SLC6A12: variants seen among roughly 807,000 people sequenced by gnomAD.
SLC6A12 encodes sodium- and chloride-dependent betaine transporter.
A neutral mutation model predicts 73.3 loss-of-function variants in SLC6A12; 50 were observed. That is an observed-to-expected ratio of 0.68 (90% CI 0.54 to 0.86). The LOEUF (loss-of-function observed/expected upper bound fraction) is 0.86, where lower values mean the gene tolerates loss of function less well. Ranked by LOEUF, SLC6A12 falls within the 40% of genes least tolerant of loss-of-function variation. SLC6A12 has a pLI of 0.00. For missense variants in SLC6A12, 648 were observed against 772.8 expected, an observed-to-expected ratio of 0.84 and a Z score of 1.92; for synonymous variants, 304 against 309.2, an observed-to-expected ratio of 0.98 and a Z score of 0.18.
chr12:206,492 T>A (rs1591803410), intron 3 of SLC6A12, among the ~76,000 whole-genome samples: 1 of 152,260 alleles, frequency 6.6e-6, no homozygotes, highest in Non-Finnish European at 1.5e-5. Context: ...ATGGATATTT[T>A]GGTTGTTTCC....
At chr12:187,654 C>T (rs1484290031), downstream of SLC6A12, among the ~76,000 whole-genome samples, 1 of 143,846 alleles carries the variant, frequency 7.0e-6, no homozygotes, top group Non-Finnish European at 1.5e-5. Flanking sequence ...ACAGCACCCA[C>T]TGCACACAAC....
downstream of SLC6A12, among the ~76,000 whole-genome samples, chr12:187,635 A>AAAC (rs1939460364): frequency 1.4e-5 from 1 of 69,146 alleles, no homozygotes; most frequent in African/African-American, 5.1e-5. Context: ...AAAAAAACAA[A>AAAC]CCACACACAC....
At chr12:200,068 CAAT>C (rs1445618571) in intron 7 of SLC6A12, among the ~76,000 whole-genome samples, 2 of 149,462 alleles carry the variant, frequency 1.3e-5, no homozygotes, top group Non-Finnish European at 3.0e-5. Flanking sequence ...TTAGCTCCAA[CAAT>C]GAGATTTTTC....
intron 1 of SLC6A12, among the ~76,000 whole-genome samples, chr12:212,789 C>A (rs1184038619): frequency 1.3e-5 from 2 of 152,172 alleles, no homozygotes; most frequent in Non-Finnish European, 2.9e-5. Flanking sequence ...GGACTACACA[C>A]CCCACCCCCG....
chr12:200,899 T>C, intron 6 of SLC6A12, 116 bp from the exon 7 acceptor site: 1 of 1,040,768 alleles, frequency 9.6e-7, no homozygotes, highest in Non-Finnish European at 1.4e-6. Context: ...TTCCAGGGCT[T>C]CCCCCACTCC....
intron 13 of SLC6A12, among the ~76,000 whole-genome samples, chr12:194,304 T>C (rs772486688): frequency 1.1e-4 from 16 of 152,198 alleles, no homozygotes; most frequent in East Asian, 1.9e-4. Context: ...AACGTCTCCA[T>C]GGAGAGGAAA....
At chr12:185,356 G>A (rs1354635081), downstream of SLC6A12, among the ~76,000 whole-genome samples, 1 of 152,188 alleles carries the variant, frequency 6.6e-6, no homozygotes, top group Non-Finnish European at 1.5e-5. Context: ...CTTGCTCCCT[G>A]TGCCCGTGTC....
chr12:197,868 C>G, intron 9 of SLC6A12, 32 bp downstream of exon 9: 1 of 1,431,758 alleles, frequency 7.0e-7, no homozygotes, highest in Non-Finnish European at 9.8e-7. Flanking sequence ...CCCAACCCTC[C>G]TTCACCCCAC....
chr12:195,708 C>T (rs1939828091), intron 12 of SLC6A12, among the ~76,000 whole-genome samples: 1 of 152,192 alleles, frequency 6.6e-6, no homozygotes, highest in Admixed American at 6.5e-5. Context: ...CCCTCTCTTT[C>T]CTCCTGGGTT....
At chr12:206,861 C>T (rs992727166) in intron 3 of SLC6A12, among the ~76,000 whole-genome samples, 3 of 152,240 alleles carry the variant, frequency 2.0e-5, no homozygotes, top group South Asian at 2.1e-4. Flanking sequence ...TCTGTCAGGG[C>T]GTGTGGCCCA....
At chr12:186,575 G>A (rs1002991469), downstream of SLC6A12, among the ~76,000 whole-genome samples, 4 of 152,184 alleles carry the variant, frequency 2.6e-5, no homozygotes, top group South Asian at 2.1e-4. Flanking sequence ...CCAGCTGGGA[G>A]GATACATTTC....
chr12:210,231 G>T, intron 2 of SLC6A12, 188 bp from the exon 3 acceptor site: 1 of 1,145,810 alleles, frequency 8.7e-7, no homozygotes, highest in Non-Finnish European at 1.2e-6. Flanking sequence ...TGCAGATGAG[G>T]AAATCCAGGC....
chr12:197,657 A>G (rs530381331), intron 9 of SLC6A12, among the ~76,000 whole-genome samples, 156 bp from the exon 10 acceptor site: 7 of 152,230 alleles, frequency 4.6e-5, no homozygotes, highest in Admixed American at 3.3e-4. Context: ...GGAAGGGAAG[A>G]GAGCATGGGA....
At chr12:211,046 C>T (rs1459870968) in intron 2 of SLC6A12, 1 of 152,302 alleles carries the variant, frequency 6.6e-6, no homozygotes, top group East Asian at 1.9e-4. Context: ...AACAATCGCC[C>T]TGAGGCCACC....
At chr12:203,465 C>T (rs1940416722) in intron 4 of SLC6A12, 1 of 152,166 alleles carries the variant, frequency 6.6e-6, no homozygotes, top group African/African-American at 2.4e-5. Context: ...CCACCGCGGT[C>T]TCCACCGCGC....
Position 190,338 on chromosome 12 carries a change from T to G in SLC6A12, c.*730A>C, listed in dbSNP as rs1311150213. 4.6e-5 allele frequency: 7 copies of G among 152,272 alleles called. No homozygotes were observed. The highest frequency in any genetic ancestry group is 7.3e-5 in the Non-Finnish European group (5 of 68,106). The allele number at this position is 152,272 out of a possible 1,614,324, so 9.4% of individuals were successfully genotyped here. ...AAGGATTGTGAGGTGGGAAAGAATCTGTGATCAGTTAGCAATATCGGCCTT... is the reference window on the plus strand; with the variant it reads ...AAGGATTGTGAGGTGGGAAAGAATCGGTGATCAGTTAGCAATATCGGCCTT... On this transcript the variant is annotated 3_prime_UTR_variant, in exon 16 of 16. Transcript: ENST00000684302.
chr12:185,661 G>A (rs1939417911), downstream of SLC6A12, among the ~76,000 whole-genome samples: 2 of 152,080 alleles, frequency 1.3e-5, no homozygotes, highest in African/African-American at 4.8e-5. Context: ...CTCTGTCTGT[G>A]GCATCATCTG....
intron 9 of SLC6A12, 150 bp from the exon 10 acceptor site, chr12:197,651 G>A: frequency 1.2e-6 from 1 of 839,122 alleles, no homozygotes; most frequent in Non-Finnish European, 1.8e-6. Context: ...AGGGGAGGAA[G>A]GGAAGAGAGC....
chr12:202,706 C>T lies in SLC6A12; in HGVS notation c.490+34G>A, dbSNP rs780834338. 25 of 1,601,570 alleles carry T rather than the reference C, an allele frequency of 1.6e-5. No individual in the cohort carries two copies. In the African/African-American group the frequency reaches 3.2e-4, roughly 21 times the overall value. ...CCAGCCACCGCAGCCCAGCCCCTAA[C>T]AGGCAACATCCCAGGGGCTGAAATG... On this transcript the variant is annotated intron_variant, in intron 5 of 15. Transcript: ENST00000684302.
Sources: allele counts gnomAD v4.1 joint callset (sites outside exome capture counted in the v4.1 genomes callset), GRCh38; gene constraint gnomAD v4.1.1; transcripts MANE v1.5; gene names NCBI Gene and HGNC (gene_info 2026-07-23, HGNC 2026-07-21).